The following ADGRG6 variants were observed in gnomAD, a reference collection of about 807,000 sequenced individuals.
The protein encoded by ADGRG6 is G-protein coupled receptor 126.
Under a neutral mutation model 142.4 loss-of-function variants are expected in ADGRG6, and 84 were observed. That is an observed-to-expected ratio of 0.59 (90% confidence interval 0.49 to 0.71). The LOEUF (loss-of-function observed/expected upper bound fraction) is 0.71. ADGRG6 is among the 30% of genes least tolerant of loss of function. The pLI is 0.00. For missense variants in ADGRG6, 1,367 were observed against 1,466.6 expected (o/e 0.93, Z 1.11); for synonymous variants, 521 against 520.5 (o/e 1.00, Z -0.01).
intron 4 of ADGRG6, among the ~76,000 whole-genome samples, chr6:142,372,588 T>G (rs1445278218): frequency 6.6e-6 from 1 of 152,170 alleles, no homozygotes; most frequent in Non-Finnish European, 1.5e-5. Context: ...TGTTGGAAAG[T>G]AGATAAACCA....
intron 22 of ADGRG6, among the ~76,000 whole-genome samples, chr6:142,426,857 C>T (rs913609341): frequency 2.0e-5 from 3 of 152,206 alleles, no homozygotes; most frequent in African/African-American, 7.2e-5. Flanking sequence ...TGGGCTTCCA[C>T]CCTCTGAAGC....
Position 142,304,425 on chromosome 6 carries a change from T to TGAG in ADGRG6, c.2+2094_2+2095insGAG, listed in dbSNP as rs535370638. Among the ~76,000 whole-genome samples the TGAG allele has an allele frequency of 6.5e-4, 99 of 152,320 alleles. 1 individual carries two copies. In the East Asian group the frequency reaches 0.013, roughly 20 times the overall value. Reference sequence around the variant, plus strand: ...TAATTCGTCTCAAGCTGCATGAAGCTACTGTTCCATTTATGGCTTATATAA... The same window carrying TGAG: ...TAATTCGTCTCAAGCTGCATGAAGCTGAGACTGTTCCATTTATGGCTTATATAA... On this transcript the variant is annotated intron_variant, in intron 1 of 24. Transcript: ENST00000367609.
intron 17 of ADGRG6, among the ~76,000 whole-genome samples, chr6:142,410,984 G>A (rs1037123196): frequency 6.6e-6 from 1 of 152,016 alleles, no homozygotes; most frequent in South Asian, 2.1e-4. Flanking sequence ...AGTGTGTAGT[G>A]TATTTGAAAA....
chr6:142,354,384 A>AAAAC (rs531052289), intron 2 of ADGRG6, among the ~76,000 whole-genome samples: 22 of 152,276 alleles, frequency 1.4e-4, no homozygotes, highest in South Asian at 4.1e-4. Context: ...CTCTATCTCA[A>AAAAC]AAACAAACAA....
chr6:142,332,353 G>A (rs1169513700), intron 2 of ADGRG6, among the ~76,000 whole-genome samples: 1 of 151,980 alleles, frequency 6.6e-6, no homozygotes, highest in African/African-American at 2.4e-5. Context: ...GCATATTTAG[G>A]TATTAGGTGT....
At chr6:142,376,404 A>G (rs991641359) in intron 4 of ADGRG6, among the ~76,000 whole-genome samples, 1 of 152,192 alleles carries the variant, frequency 6.6e-6, no homozygotes, top group Admixed American at 6.5e-5. Flanking sequence ...TTGGTTAGCT[A>G]CTGTGGTTGT....
At chr6:142,409,463 T>C (rs1775974870) in intron 16 of ADGRG6, among the ~76,000 whole-genome samples, 2 of 152,196 alleles carry the variant, frequency 1.3e-5, no homozygotes, top group South Asian at 2.1e-4. Flanking sequence ...ATAATGCTAC[T>C]GTGAGCATGA....
chr6:142,410,604 C>A (rs1030028999), intron 17 of ADGRG6, among the ~76,000 whole-genome samples: 1 of 152,052 alleles, frequency 6.6e-6, no homozygotes, highest in Non-Finnish European at 1.5e-5. Context: ...CTGATGAAAA[C>A]AGCCTGAAAA....
chr6:142,402,136 GA>G (rs1331984426), intron 12 of ADGRG6, 78 bp downstream of exon 12: 1 of 712,914 alleles, frequency 1.4e-6, no homozygotes, highest in African/African-American at 1.8e-5. Flanking sequence ...TTGTCTTCGA[GA>G]ATATTCTTCT....
chr6:142,437,713 C>T (rs1187430597), intron 23 of ADGRG6, among the ~76,000 whole-genome samples, 178 bp downstream of exon 23: 1 of 151,934 alleles, frequency 6.6e-6, no homozygotes, highest in African/African-American at 2.4e-5. Context: ...GAACTTTGAG[C>T]CCAACCCTTC....
intron 22 of ADGRG6, among the ~76,000 whole-genome samples, chr6:142,430,853 C>T (rs1777175473): frequency 6.6e-6 from 1 of 152,144 alleles, no homozygotes; most frequent in African/African-American, 2.4e-5. Flanking sequence ...GCTGCTTATT[C>T]ACCATCTTCC....
At position 142,443,606 on chromosome 6, in the gene ADGRG6, A is replaced by G; in HGVS notation, c.*91A>G. The G allele has an allele frequency of 1.3e-6, 1 of 765,596 alleles. No individual in the cohort carries two copies. 47.4% of individuals were successfully genotyped at this position (765,596 alleles called of 1,614,324 possible). On this transcript the variant is annotated 3_prime_UTR_variant, in exon 25 of 25. Transcript: ENST00000367609. ...TAGTGATGTAAATGTGCTATTACCT[A>G]GGTAACTGCATATATATAAGGAATG...
chr6:142,352,523 C>T (rs773464359), intron 2 of ADGRG6, among the ~76,000 whole-genome samples: 28 of 151,958 alleles, frequency 1.8e-4, no homozygotes, highest in South Asian at 2.1e-4. Context: ...TACTATGCTC[C>T]GTATTTTGGT....
At chr6:142,395,838 A>G (rs187468491) in intron 9 of ADGRG6, among the ~76,000 whole-genome samples, 1 of 152,296 alleles carries the variant, frequency 6.6e-6, no homozygotes, top group Admixed American at 6.5e-5. Context: ...TTTTTTAAAA[A>G]AACTTTTCCT....
chr6:142,399,052 A>G (rs113001011), intron 10 of ADGRG6, among the ~76,000 whole-genome samples: 8 of 152,338 alleles, frequency 5.3e-5, no homozygotes, highest in African/African-American at 1.9e-4. Flanking sequence ...GTTCACAAAT[A>G]TGGATAACAA....
chr6:142,437,703 G>C (rs1000085071), intron 23 of ADGRG6, among the ~76,000 whole-genome samples, 168 bp downstream of exon 23: 7 of 152,066 alleles, frequency 4.6e-5, no homozygotes, highest in African/African-American at 1.4e-4. Flanking sequence ...AGAGATCAGA[G>C]AACTTTGAGC....
At position 142,394,784 on chromosome 6, in the gene ADGRG6, G is replaced by A. The variant is rs1360532935; in HGVS notation, c.1424+826G>A. Among the ~76,000 whole-genome samples, 4 of 151,828 alleles carry A rather than the reference G, an allele frequency of 2.6e-5. No homozygotes were observed. In the East Asian group the frequency reaches 7.7e-4, roughly 29 times the overall value. ...ACTATTTTTGTAGAGACTGGGTCTT[G>A]CTATGTTGCTCAGGCTCATCTCAAA... On this transcript the variant is annotated intron_variant, in intron 9 of 24. Coordinates refer to ENST00000367609, the MANE Select transcript of ADGRG6 (RefSeq NM_198569.3).
chr6:142,318,670 A>C (rs1363745701), intron 2 of ADGRG6, among the ~76,000 whole-genome samples: 1 of 151,772 alleles, frequency 6.6e-6, no homozygotes, highest in Non-Finnish European at 1.5e-5. Flanking sequence ...GACAACAGAA[A>C]GGGAGAATAT....
intron 2 of ADGRG6, among the ~76,000 whole-genome samples, chr6:142,364,113 A>G (rs1381726565): frequency 6.6e-6 from 1 of 152,014 alleles, no homozygotes; most frequent in Non-Finnish European, 1.5e-5. Context: ...TGAGTTATCC[A>G]ATCTATATTA....
Sources: allele counts gnomAD v4.1 joint callset (sites outside exome capture counted in the v4.1 genomes callset), GRCh38; gene constraint gnomAD v4.1.1; transcripts MANE v1.5; gene names NCBI Gene and HGNC (gene_info 2026-07-23, HGNC 2026-07-21).